AGTPBP1: variants seen among roughly 807,000 people sequenced by gnomAD.
AGTPBP1 encodes the protein ATP/GTP binding carboxypeptidase 1, also known as cytosolic carboxypeptidase 1.
In AGTPBP1, 70 loss-of-function variants were observed where a neutral mutation model predicts 143.9. The observed-to-expected ratio is 0.49, with a 90% CI of 0.40 to 0.59. The LOEUF is 0.59. AGTPBP1 is among the 20% of genes least tolerant of loss of function. The probability of loss-of-function intolerance (pLI) is 0.00; values close to 1 mark genes in which losing one functional copy is unlikely to be tolerated. For synonymous variants in AGTPBP1, 463 were observed against 500.2 expected, an observed-to-expected ratio of 0.93 and a Z score of 0.99; for missense variants, 1,229 against 1,464.5, an observed-to-expected ratio of 0.84 and a Z score of 2.62.
intron 2 of AGTPBP1, among the ~76,000 whole-genome samples, chr9:85,706,293 C>A (rs1277170955): frequency 6.7e-6 from 1 of 149,608 alleles, no homozygotes; most frequent in African/African-American, 2.5e-5. Flanking sequence ...GGGTGGATCA[C>A]AAGGTCAGGA....
intron 1 of AGTPBP1, among the ~76,000 whole-genome samples, chr9:85,736,659 G>C (rs1184765696): frequency 6.6e-6 from 1 of 152,118 alleles, no homozygotes. Context: ...TTTAAATCCA[G>C]AAGTTCTAAA....
chr9:85,612,059 C>T (rs1830347390), intron 17 of AGTPBP1, among the ~76,000 whole-genome samples: 1 of 152,142 alleles, frequency 6.6e-6, no homozygotes, highest in Admixed American at 6.6e-5. Flanking sequence ...TCCTAAAACC[C>T]TTGTCATTTC....
At chr9:85,719,396 G>A (rs1837950992) in intron 1 of AGTPBP1, among the ~76,000 whole-genome samples, 1 of 152,070 alleles carries the variant, frequency 6.6e-6, no homozygotes, top group Non-Finnish European at 1.5e-5. Flanking sequence ...CTTGTATGTT[G>A]GATTCCTAGG....
the AGTPBP1 span, among the ~76,000 whole-genome samples, chr9:85,759,621 A>G: frequency 6.6e-6 from 1 of 152,226 alleles, no homozygotes; most frequent in African/African-American, 2.4e-5. Flanking sequence ...CATTTAAAGC[A>G]GTGTGTAGAG....
At chr9:85,688,096 T>TAAAAAAAAAAAAA (rs58523894) in intron 3 of AGTPBP1, among the ~76,000 whole-genome samples, 34 of 34,584 alleles carry the variant, frequency 9.8e-4, no homozygotes, top group East Asian at 1.1e-3. Context: ...GTCTCAAAAT[T>TAAAAAAAAAAAAA]AAAAAAAAAA....
the AGTPBP1 span, among the ~76,000 whole-genome samples, chr9:85,795,428 A>C: frequency 6.6e-6 from 1 of 152,248 alleles, no homozygotes; most frequent in South Asian, 2.1e-4. Context: ...TTAATAAACC[A>C]CAGATCCATC....
chr9:85,748,232 G>C, the AGTPBP1 span, among the ~76,000 whole-genome samples: 1 of 152,028 alleles, frequency 6.6e-6, no homozygotes, highest in Non-Finnish European at 1.5e-5. Flanking sequence ...CACTCCCTCC[G>C]TCTTGAAGTA....
At chr9:85,661,803 C>T (rs1833871440) in intron 8 of AGTPBP1, among the ~76,000 whole-genome samples, 1 of 152,092 alleles carries the variant, frequency 6.6e-6, no homozygotes, top group South Asian at 2.1e-4. Context: ...AAATGTAAGG[C>T]ACATACTATG....
At chr9:85,741,156 T>G (rs771420175) in intron 1 of AGTPBP1, 1 of 928,320 alleles carries the variant, frequency 1.1e-6, no homozygotes, top group Non-Finnish European at 1.3e-6. Context: ...GTGATCTGAT[T>G]CAGGTTCAAA....
chr9:85,668,126 T>A lies in AGTPBP1; in HGVS notation c.662+1359A>T, dbSNP rs373561715. Among the ~76,000 whole-genome samples, 16 of 152,184 alleles carry A rather than the reference T, an allele frequency of 1.1e-4. No individual in the cohort carries two copies. The East Asian group carries it at 1.5e-3, about 15-fold the overall frequency. On this transcript the variant is annotated intron_variant, in intron 8 of 25. Transcript: ENST00000357081. Reference sequence around the variant, plus strand: ...AGAAAAACAGAAAGAAAAATAAAATTAAAATGACAGATTTTTGATAGTACA... The same window carrying A: ...AGAAAAACAGAAAGAAAAATAAAATAAAAATGACAGATTTTTGATAGTACA...
At chr9:85,603,724 G>A (rs117975931) in intron 17 of AGTPBP1, among the ~76,000 whole-genome samples, 2,523 of 152,106 alleles carry the variant, frequency 0.017, 30 homozygotes, top group Middle Eastern at 0.055. Flanking sequence ...CAGCATTTCG[G>A]GACCTGCCCC....
At chr9:85,688,952 T>C (rs899086855) in intron 3 of AGTPBP1, among the ~76,000 whole-genome samples, 2 of 152,200 alleles carry the variant, frequency 1.3e-5, no homozygotes, top group Non-Finnish European at 1.5e-5. Flanking sequence ...GCCTGGCTCA[T>C]ACAAATATTA....
intron 25 of AGTPBP1, among the ~76,000 whole-genome samples, chr9:85,566,971 T>C (rs1827147461): frequency 6.6e-6 from 1 of 152,254 alleles, no homozygotes; most frequent in Non-Finnish European, 1.5e-5. Context: ...AGAACTTTCA[T>C]GAACTCAGTG....
At chr9:85,764,679 CG>C in the AGTPBP1 span, 4 of 843,698 alleles carry the variant, frequency 4.7e-6, no homozygotes, top group Non-Finnish European at 8.1e-6. Flanking sequence ...TAACTGTTTT[CG>C]GGGTGTCTGG....
intron 3 of AGTPBP1, among the ~76,000 whole-genome samples, chr9:85,683,494 C>G (rs1390976765): frequency 1.3e-5 from 2 of 152,128 alleles, no homozygotes; most frequent in Admixed American, 1.3e-4. Flanking sequence ...TATAATGCAG[C>G]CTCCCCTTGT....
chr9:85,795,420 A>C, the AGTPBP1 span, among the ~76,000 whole-genome samples: 1 of 152,224 alleles, frequency 6.6e-6, no homozygotes, highest in Admixed American at 6.5e-5. Context: ...AACAAAGCTT[A>C]ATAAACCACA....
At chr9:85,564,063 C>A (rs960329857) in intron 25 of AGTPBP1, among the ~76,000 whole-genome samples, 1 of 152,196 alleles carries the variant, frequency 6.6e-6, no homozygotes, top group Non-Finnish European at 1.5e-5. Context: ...GGTAAGGAAC[C>A]ACCACAAGGG....
chr9:85,805,098 T>G, the AGTPBP1 span, among the ~76,000 whole-genome samples: 2 of 152,148 alleles, frequency 1.3e-5, no homozygotes, highest in African/African-American at 4.8e-5. Flanking sequence ...GCCGCCCACG[T>G]GAGGCGTTTG....
intron 2 of AGTPBP1, among the ~76,000 whole-genome samples, chr9:85,693,097 T>C (rs1835986428): frequency 6.6e-6 from 1 of 152,186 alleles, no homozygotes; most frequent in Admixed American, 6.5e-5. Flanking sequence ...AAAGTTCACC[T>C]TTCCACTCTC....
Sources: allele counts gnomAD v4.1 joint callset (sites outside exome capture counted in the v4.1 genomes callset), GRCh38; gene constraint gnomAD v4.1.1; transcripts MANE v1.5; gene names NCBI Gene and HGNC (gene_info 2026-07-23, HGNC 2026-07-21).